LDB2: variants seen among roughly 807,000 people sequenced by gnomAD.
LDB2 encodes LIM domain-binding protein 2.
LDB2 carries 12 observed loss-of-function variants against 44.3 expected under a neutral mutation model. The ratio of observed to expected loss-of-function variants is 0.27; its 90% CI spans 0.17 to 0.44. LDB2 has a LOEUF of 0.44. Ranked by LOEUF, LDB2 falls within the 20% of genes least tolerant of loss-of-function variation. The pLI, the probability that LDB2 is intolerant of heterozygous loss-of-function variation, is 1.00. For missense variants in LDB2, 344 were observed against 473.5 expected (o/e 0.73, Z 2.54); for synonymous variants, 164 against 174.8 (o/e 0.94, Z 0.49).
At chr4:16,804,436 G>A (rs188855608) in intron 1 of LDB2, among the ~76,000 whole-genome samples, 1 of 152,118 alleles carries the variant, frequency 6.6e-6, no homozygotes, top group Admixed American at 6.5e-5. Context: ...ATTGTCCCCT[G>A]TATCTTGACA....
chr4:16,665,721 A>T (rs1263484072), intron 2 of LDB2, among the ~76,000 whole-genome samples: 3 of 152,166 alleles, frequency 2.0e-5, no homozygotes, highest in Non-Finnish European at 4.4e-5. Context: ...CCCCTAAAAG[A>T]TATGTCCATT....
chr4:16,893,266 A>G (rs1723939765), intron 1 of LDB2, among the ~76,000 whole-genome samples: 1 of 149,528 alleles, frequency 6.7e-6, no homozygotes, highest in African/African-American at 2.5e-5. Flanking sequence ...AAAATCATTC[A>G]TATATCTCAG....
At chr4:16,629,907 A>T (rs890837489) in intron 2 of LDB2, among the ~76,000 whole-genome samples, 3 of 152,108 alleles carry the variant, frequency 2.0e-5, no homozygotes, top group African/African-American at 7.2e-5. Context: ...GAAAAGAAAC[A>T]AACAAAACCT....
rs1349496590 is a variant in LDB2 at position 16,764,785 on chromosome 4, CT to C, written c.133-5526del. 2.0e-5 allele frequency among the ~76,000 whole-genome samples: 3 copies of C among 152,216 alleles called. No homozygotes were observed. In the East Asian group the frequency reaches 5.8e-4, roughly 29 times the overall value. ...AGTACCACAAAAATGGCCCATTCTC[CT>C]TTTGGACCTGGCAATGTGGCCAAGT... On this transcript the variant is annotated intron_variant, in intron 1 of 7. Coordinates refer to ENST00000304523, the MANE Select transcript of LDB2 (RefSeq NM_001290.5).
chr4:16,714,197 T>C (rs967145960), intron 2 of LDB2, among the ~76,000 whole-genome samples: 1 of 152,228 alleles, frequency 6.6e-6, no homozygotes, highest in Non-Finnish European at 1.5e-5. Context: ...AAATCTTCAT[T>C]CGAATGAGGG....
chr4:16,614,150 A>G (rs1490578965), intron 2 of LDB2, among the ~76,000 whole-genome samples: 2 of 152,206 alleles, frequency 1.3e-5, no homozygotes, highest in Non-Finnish European at 2.9e-5. Context: ...AAAGCCTGCC[A>G]AAAACAAGCA....
intron 2 of LDB2, among the ~76,000 whole-genome samples, chr4:16,714,996 C>A (rs890378741): frequency 2.6e-5 from 4 of 152,100 alleles, no homozygotes; most frequent in African/African-American, 9.7e-5. Context: ...TGGGGTATAT[C>A]TTTTTTTGGG....
intron 1 of LDB2, among the ~76,000 whole-genome samples, chr4:16,786,356 T>C (rs1227440374): frequency 1.3e-5 from 2 of 152,212 alleles, no homozygotes; most frequent in Non-Finnish European, 2.9e-5. Flanking sequence ...TTGTTTATTG[T>C]CTGTCTCATT....
chr4:16,585,786 C>T, intron 5 of LDB2, 136 bp downstream of exon 5: 1 of 620,722 alleles, frequency 1.6e-6, no homozygotes. Context: ...CACACACACA[C>T]ACATACATCT....
chr4:16,603,424 T>C (rs1001872413), intron 2 of LDB2, among the ~76,000 whole-genome samples: 1 of 152,072 alleles, frequency 6.6e-6, no homozygotes, highest in Non-Finnish European at 1.5e-5. Context: ...AGCAACAGCA[T>C]TAGTTAGAGA....
intron 5 of LDB2, among the ~76,000 whole-genome samples, chr4:16,540,605 T>C (rs2152323506): frequency 6.6e-6 from 1 of 152,310 alleles, no homozygotes; most frequent in African/African-American, 2.4e-5. Context: ...GAACATCTCT[T>C]CCTCTCCTAC....
rs536462388 is a variant in LDB2, at chr4:16,827,248, T to C, written c.133-67988A>G. 1.0e-3 allele frequency among the ~76,000 whole-genome samples: 156 copies of C among 152,220 alleles called. No homozygotes were observed. The Middle Eastern group carries it at 0.027, about 27-fold the overall frequency. ...AAGGCAGCTCCACTCGGGGCAGCAT[T>C]GCAGAGACAGCAGGAGGACAGTGTC... On this transcript the variant is annotated intron_variant, in intron 1 of 7. Transcript: ENST00000304523.
chr4:16,618,612 C>G (rs1401175580), intron 2 of LDB2, among the ~76,000 whole-genome samples: 2 of 152,154 alleles, frequency 1.3e-5, no homozygotes, highest in African/African-American at 4.8e-5. Flanking sequence ...TGGTAGGTGA[C>G]AGAATCTGCT....
At chr4:16,810,134 G>A (rs1344517881) in intron 1 of LDB2, among the ~76,000 whole-genome samples, 1 of 152,128 alleles carries the variant, frequency 6.6e-6, no homozygotes, top group Non-Finnish European at 1.5e-5. Context: ...GGAAATGTGT[G>A]GTAATTAATT....
chr4:16,529,833 G>A (rs1729525361), intron 5 of LDB2, among the ~76,000 whole-genome samples: 1 of 152,184 alleles, frequency 6.6e-6, no homozygotes, highest in Non-Finnish European at 1.5e-5. Context: ...GTTTCTGTGT[G>A]TGTATGTGTA....
intron 2 of LDB2, among the ~76,000 whole-genome samples, chr4:16,673,266 T>C (rs1322433236): frequency 6.6e-6 from 1 of 152,172 alleles, no homozygotes; most frequent in East Asian, 1.9e-4. Context: ...CCTTCGAGGG[T>C]TTCCAGGTCT....
intron 2 of LDB2, among the ~76,000 whole-genome samples, chr4:16,602,477 G>T (rs1436177285): frequency 6.6e-6 from 1 of 152,168 alleles, no homozygotes; most frequent in Non-Finnish European, 1.5e-5. Context: ...AGATGATAGA[G>T]ATGAGGTCAC....
intron 2 of LDB2, among the ~76,000 whole-genome samples, chr4:16,725,971 AG>A (rs1759362771): frequency 6.7e-6 from 1 of 148,908 alleles, no homozygotes; most frequent in East Asian, 1.9e-4. Flanking sequence ...TTATGATATT[AG>A]TACATAAAAT....
chr4:16,817,378 G>C (rs1211107365), intron 1 of LDB2, among the ~76,000 whole-genome samples: 1 of 152,110 alleles, frequency 6.6e-6, no homozygotes, highest in African/African-American at 2.4e-5. Context: ...AAGAACAGTG[G>C]CCCTGCTACT....
Sources: allele counts gnomAD v4.1 joint callset (sites outside exome capture counted in the v4.1 genomes callset), GRCh38; gene constraint gnomAD v4.1.1; transcripts MANE v1.5; gene names NCBI Gene and HGNC (gene_info 2026-07-23, HGNC 2026-07-21).